The following EXT1 variants were observed in gnomAD, a reference collection of about 807,000 sequenced individuals.
EXT1 encodes exostosin glycosyltransferase 1.
A neutral mutation model predicts 82.5 loss-of-function variants in EXT1; 20 were observed. The observed-to-expected ratio is 0.24, with a 90% CI of 0.17 to 0.35. The LOEUF (loss-of-function observed/expected upper bound fraction) is 0.35. EXT1 is among the 10% of genes least tolerant of loss of function. EXT1 has a pLI of 1.00. For missense variants in EXT1, 757 were observed against 936.5 expected, an observed-to-expected ratio of 0.81 and a Z score of 2.50; for synonymous variants, 348 against 350.8, an observed-to-expected ratio of 0.99 and a Z score of 0.09.
chr8:118,071,517 A>C lies in EXT1; in HGVS notation c.962+38568T>G, dbSNP rs114117233. ...TTGGCAATGACGATTACCATCGCAA[A>C]AGTAGTAGGGGGGCAGGGGTGGGGG... is the stretch of plus-strand genomic sequence containing the variant. On this transcript the variant is annotated intron_variant, in intron 1 of 10. Transcript: ENST00000378204. Among the ~76,000 whole-genome samples, 524 of 147,454 alleles carry C rather than the reference A, an allele frequency of 3.6e-3. 2 individuals are homozygous for C. The highest frequency in any genetic ancestry group is 0.012 in the African/African-American group (498 of 40,386).
chr8:117,827,025 T>C (rs1380000316), intron 4 of EXT1, among the ~76,000 whole-genome samples: 2 of 152,156 alleles, frequency 1.3e-5, no homozygotes, highest in African/African-American at 4.8e-5. Flanking sequence ...TGAGATACCA[T>C]CTTTCATCTG....
At chr8:117,995,232 C>A (rs981174254) in intron 1 of EXT1, among the ~76,000 whole-genome samples, 1 of 152,202 alleles carries the variant, frequency 6.6e-6, no homozygotes, top group South Asian at 2.1e-4. Flanking sequence ...CACTCTAGCT[C>A]AGCAACCCAG....
chr8:117,878,893 T>A (rs956978054), intron 1 of EXT1, among the ~76,000 whole-genome samples: 1 of 152,160 alleles, frequency 6.6e-6, no homozygotes, highest in African/African-American at 2.4e-5. Flanking sequence ...CCATTGAGGG[T>A]TGGCTGTGGG....
intron 1 of EXT1, among the ~76,000 whole-genome samples, chr8:117,896,077 A>G (rs1813330585): frequency 6.6e-6 from 1 of 152,222 alleles, no homozygotes; most frequent in Non-Finnish European, 1.5e-5. Flanking sequence ...ACAAGAATTG[A>G]TAACATTTGT....
At chr8:118,109,059 A>G (rs187112714) in intron 1 of EXT1, among the ~76,000 whole-genome samples, 41 of 152,316 alleles carry the variant, frequency 2.7e-4, no homozygotes, top group Middle Eastern at 3.4e-3. Context: ...CCCACCTACT[A>G]GGAAACTGGT....
At chr8:117,826,449 G>C (rs17439791) in intron 4 of EXT1, among the ~76,000 whole-genome samples, 1 of 152,012 alleles carries the variant, frequency 6.6e-6, no homozygotes, top group African/African-American at 2.4e-5. Context: ...AATTATTCTC[G>C]TGCCTTAGTA....
chr8:117,936,305 T>C (rs1387542086), intron 1 of EXT1, among the ~76,000 whole-genome samples: 3 of 152,194 alleles, frequency 2.0e-5, no homozygotes, highest in African/African-American at 7.2e-5. Flanking sequence ...CAGACTCCAC[T>C]AGTCCACTGG....
chr8:117,831,970 G>A (rs1812107213), intron 3 of EXT1, among the ~76,000 whole-genome samples: 1 of 152,166 alleles, frequency 6.6e-6, no homozygotes, highest in African/African-American at 2.4e-5. Flanking sequence ...CCTGTAATCA[G>A]AGCCCAAGGT....
At chr8:117,910,395 C>G (rs1161286955) in intron 1 of EXT1, among the ~76,000 whole-genome samples, 2 of 152,150 alleles carry the variant, frequency 1.3e-5, no homozygotes, top group Non-Finnish European at 2.9e-5. Flanking sequence ...CTCCACCACT[C>G]CAGGAAAGAT....
chr8:118,021,271 G>A (rs1258915562), intron 1 of EXT1, among the ~76,000 whole-genome samples: 1 of 152,074 alleles, frequency 6.6e-6, no homozygotes, highest in Non-Finnish European at 1.5e-5. Context: ...TTTTTGTTCT[G>A]ACCACTAATA....
chr8:117,977,742 G>T (rs1322512994), intron 1 of EXT1, among the ~76,000 whole-genome samples: 2 of 152,162 alleles, frequency 1.3e-5, no homozygotes, highest in Non-Finnish European at 2.9e-5. Context: ...TCCATGGAGG[G>T]TCAGATGAGA....
At chr8:118,074,983 G>A (rs995456310) in intron 1 of EXT1, among the ~76,000 whole-genome samples, 1 of 152,180 alleles carries the variant, frequency 6.6e-6, no homozygotes, top group African/African-American at 2.4e-5. Context: ...GTAGATACCA[G>A]TCTCATTCAT....
At chr8:117,858,848 A>AAG (rs1563582262) in intron 1 of EXT1, among the ~76,000 whole-genome samples, 614 of 31,152 alleles carry the variant, frequency 0.02, 5 homozygotes, top group Middle Eastern at 0.051. Context: ...AAGGAAGGAA[A>AAG]GAAAGAAAGA....
intron 1 of EXT1, among the ~76,000 whole-genome samples, chr8:118,024,292 A>C (rs1249948615): frequency 1.3e-5 from 2 of 152,226 alleles, no homozygotes; most frequent in African/African-American, 4.8e-5. Context: ...AAATGGTTAG[A>C]AACAACAAAA....
At chr8:117,924,897 T>C (rs932633782) in intron 1 of EXT1, among the ~76,000 whole-genome samples, 5 of 152,238 alleles carry the variant, frequency 3.3e-5, no homozygotes, top group African/African-American at 7.2e-5. Context: ...AATTTTGATA[T>C]GTAATGGGCT....
chr8:117,833,507 C>T (rs17474609), intron 3 of EXT1, among the ~76,000 whole-genome samples: 43 of 151,722 alleles, frequency 2.8e-4, no homozygotes, highest in African/African-American at 1.0e-3. Flanking sequence ...CCCAGCTACT[C>T]GGGAGGCTGA....
intron 1 of EXT1, among the ~76,000 whole-genome samples, chr8:117,999,648 G>A (rs533925897): frequency 3.4e-4 from 51 of 152,224 alleles, no homozygotes; most frequent in African/African-American, 1.2e-3. Context: ...TCAATGCAAG[G>A]AGCTAAAATG....
intron 7 of EXT1, among the ~76,000 whole-genome samples, chr8:117,816,477 G>C (rs1044903577): frequency 2.0e-5 from 3 of 152,136 alleles, no homozygotes; most frequent in African/African-American, 7.2e-5. Context: ...TTCACTCTGA[G>C]GTGCAATCCC....
At chr8:118,088,705 C>CTTTTGTT (rs1817471947) in intron 1 of EXT1, among the ~76,000 whole-genome samples, 1 of 146,464 alleles carries the variant, frequency 6.8e-6, no homozygotes, top group Non-Finnish European at 1.5e-5. Context: ...TTTTCCTCTG[C>CTTTTGTT]TTTTGTTTTC....
Sources: allele counts gnomAD v4.1 joint callset (sites outside exome capture counted in the v4.1 genomes callset), GRCh38; gene constraint gnomAD v4.1.1; transcripts MANE v1.5; gene names NCBI Gene and HGNC (gene_info 2026-07-23, HGNC 2026-07-21).